Variants in CTSS observed in about 807,000 individuals in gnomAD.
The protein encoded by CTSS is cathepsin S.
A neutral mutation model predicts 39.9 loss-of-function variants in CTSS; 15 were observed. That is an observed-to-expected ratio of 0.38 (90% CI 0.25 to 0.58). The LOEUF (loss-of-function observed/expected upper bound fraction) is 0.58, where lower values mean the gene tolerates loss of function less well. Ranked by LOEUF, CTSS falls within the 20% of genes least tolerant of loss-of-function variation. The pLI is 0.70. For synonymous variants in CTSS, 126 were observed against 138.2 expected, an observed-to-expected ratio of 0.91 and a Z score of 0.62; for missense variants, 250 against 398.2, an observed-to-expected ratio of 0.63 and a Z score of 3.17.
intron 7 of CTSS, among the ~76,000 whole-genome samples, chr1:150,739,966 C>T (rs1032177537): frequency 2.6e-5 from 4 of 152,228 alleles, no homozygotes; most frequent in African/African-American, 9.6e-5. Context: ...TTGCAATGGA[C>T]TACACATGCA....
intron 3 of CTSS, among the ~76,000 whole-genome samples, chr1:150,756,667 TA>T (rs955866393): frequency 6.6e-6 from 1 of 151,888 alleles, no homozygotes; most frequent in African/African-American, 2.4e-5. Flanking sequence ...CACATGACTA[TA>T]TATCTCTTTC....
chr1:150,764,824 T>C, intron 1 of CTSS, 60 bp from the exon 2 acceptor site: 1 of 1,580,832 alleles, frequency 6.3e-7, no homozygotes, highest in Non-Finnish European at 8.7e-7. Context: ...TGTGACCACA[T>C]GTTTTCATAA....
Position 150,737,791 on chromosome 1 carries a change from T to G in CTSS, c.897-4646A>C, listed in dbSNP as rs587670839. On this transcript the variant is annotated intron_variant, in intron 7 of 7. Coordinates refer to ENST00000368985, the MANE Select transcript of CTSS (RefSeq NM_004079.5). ...TACAATAAAGAAAAATAAAGCAGGA[T>G]AAGGGATACAGAGTGTTAAGAGACA... is the stretch of plus-strand genomic sequence containing the variant. Among the ~76,000 whole-genome samples, 7 of 152,154 alleles carry G rather than the reference T, an allele frequency of 4.6e-5. No individual in the cohort carries two copies. In the East Asian group the frequency reaches 9.7e-4, roughly 21 times the overall value.
intron 5 of CTSS, among the ~76,000 whole-genome samples, 171 bp downstream of exon 5, chr1:150,751,610 G>C (rs1219725251): frequency 6.6e-6 from 1 of 152,144 alleles, no homozygotes; most frequent in Non-Finnish European, 1.5e-5. Flanking sequence ...ATATTAAGAA[G>C]AGTACTTCAT....
chr1:150,745,527 T>C (rs1016494185), intron 7 of CTSS, among the ~76,000 whole-genome samples: 8 of 152,160 alleles, frequency 5.3e-5, no homozygotes, highest in Non-Finnish European at 1.2e-4. Flanking sequence ...TCTGGTGTGG[T>C]GGTGCATGCC....
At chr1:150,741,198 C>T (rs587681110) in intron 7 of CTSS, among the ~76,000 whole-genome samples, 1 of 152,108 alleles carries the variant, frequency 6.6e-6, no homozygotes, top group East Asian at 1.9e-4. Context: ...GAGACTGGGT[C>T]TCCCTATGTT....
chr1:150,760,049 C>T (rs1478504799), intron 2 of CTSS, among the ~76,000 whole-genome samples: 2 of 150,358 alleles, frequency 1.3e-5, no homozygotes, highest in Non-Finnish European at 2.9e-5. Context: ...AAAAGAAGTG[C>T]ACTTTGAGAT....
At position 150,732,944 on chromosome 1, in the gene CTSS, CA is replaced by C; in HGVS notation, c.*101del. ...TTTTCTAATTAGTACAGTAAATACA[CA>C]TTAATCATGACACAATTATTTCTTC... is the stretch of plus-strand genomic sequence containing the variant. On this transcript the variant is annotated 3_prime_UTR_variant, in exon 8 of 8. Transcript: ENST00000368985. 1 of 845,494 alleles carries C rather than the reference CA, an allele frequency of 1.2e-6. No individual in the cohort carries two copies. The allele number at this position is 845,494 out of a possible 1,614,324, so 52.4% of individuals were successfully genotyped here.
chr1:150,734,603 G>A (rs1052360416), intron 7 of CTSS, among the ~76,000 whole-genome samples: 5 of 151,974 alleles, frequency 3.3e-5, no homozygotes, highest in Admixed American at 1.3e-4. Flanking sequence ...CCGAGATTGC[G>A]CCTGTGCACT....
chr1:150,757,996 G>A lies in CTSS; in HGVS notation c.127-16C>T, dbSNP rs1653169577. On this transcript the variant is annotated splice_polypyrimidine_tract_variant and intron_variant, in intron 2 of 7. Transcript: ENST00000368985. ...CTTCTTCATTCTAAAACATAATGAA[G>A]AAGAACATAGTCATACTGCATCCTG... 6.2e-7 allele frequency: 1 copy of A among 1,611,298 alleles called. No individual in the cohort carries two copies. Among genetic ancestry groups the A allele is most frequent in the Non-Finnish European group, 8.5e-7 (1 of 1,178,898 alleles).
At chr1:150,754,969 A>G in intron 4 of CTSS, 32 bp downstream of exon 4, 1 of 1,600,136 alleles carries the variant, frequency 6.2e-7, no homozygotes, top group East Asian at 2.2e-5. Context: ...AGCTCTACCT[A>G]GGGTTCAGAG....
intron 2 of CTSS, among the ~76,000 whole-genome samples, 183 bp from the exon 3 acceptor site, chr1:150,758,163 C>T (rs1165748468): frequency 6.6e-6 from 1 of 152,038 alleles, no homozygotes; most frequent in Non-Finnish European, 1.5e-5. Context: ...GATTCTCCTG[C>T]TTCAACCTTC....
At position 150,732,998 on chromosome 1, in the gene CTSS, G is replaced by A; in HGVS notation, c.*48C>T. 1 of 1,332,128 alleles carries A rather than the reference G, an allele frequency of 7.5e-7. No individual in the cohort carries two copies. The highest frequency in any genetic ancestry group is 1.1e-6 in the Non-Finnish European group (1 of 932,586). The allele number at this position is 1,332,128 out of a possible 1,614,324, so 82.5% of individuals were successfully genotyped here. A position where few individuals can be genotyped will look rare whatever the true frequency, so the allele number is the denominator to read the frequency against. The stretch of plus-strand genomic sequence containing the variant: ...GATACAGCAGGAAAAATTAAGTTAA[G>A]AGAAAGTGCTTCATATTTCTTGATT... On this transcript the variant is annotated 3_prime_UTR_variant, in exon 8 of 8. Coordinates refer to ENST00000368985, the MANE Select transcript of CTSS (RefSeq NM_004079.5).
intron 7 of CTSS, among the ~76,000 whole-genome samples, chr1:150,742,874 G>A (rs1402246618): frequency 6.6e-6 from 1 of 152,134 alleles, no homozygotes; most frequent in East Asian, 1.9e-4. Context: ...GATGAGGGAA[G>A]AAAGGAAGAG....
chr1:150,751,396 C>T (rs2101920028), intron 5 of CTSS, among the ~76,000 whole-genome samples: 1 of 152,162 alleles, frequency 6.6e-6, no homozygotes, highest in African/African-American at 2.4e-5. Flanking sequence ...CACAGGCATG[C>T]ACCACCATGC....
intron 2 of CTSS, among the ~76,000 whole-genome samples, chr1:150,760,210 A>G (rs1653224120): frequency 6.6e-6 from 1 of 152,204 alleles, no homozygotes; most frequent in Non-Finnish European, 1.5e-5. Flanking sequence ...GAACCTGTTC[A>G]TAAAGGGTGT....
chr1:150,760,614 G>A (rs1021056184), intron 2 of CTSS, among the ~76,000 whole-genome samples: 2 of 152,192 alleles, frequency 1.3e-5, no homozygotes, highest in African/African-American at 4.8e-5. Flanking sequence ...TTGGCCAGGT[G>A]TGGTGGCTCA....
chr1:150,763,007 T>A (rs376472650), intron 2 of CTSS, among the ~76,000 whole-genome samples: 1 of 151,862 alleles, frequency 6.6e-6, no homozygotes. Flanking sequence ...ATAGCCAAGA[T>A]ACGGAATCAA....
intron 6 of CTSS, among the ~76,000 whole-genome samples, chr1:150,749,203 G>C (rs1008092824): frequency 3.3e-5 from 5 of 152,206 alleles, no homozygotes; most frequent in Non-Finnish European, 7.3e-5. Context: ...AGCTTAGCGG[G>C]AAAGGCATGT....
Sources: allele counts gnomAD v4.1 joint callset (sites outside exome capture counted in the v4.1 genomes callset), GRCh38; gene constraint gnomAD v4.1.1; transcripts MANE v1.5; gene names NCBI Gene and HGNC (gene_info 2026-07-23, HGNC 2026-07-21).